The following PLCL2 variants were observed in gnomAD, a reference collection of about 807,000 sequenced individuals.
PLCL2 encodes inactive phospholipase C-like protein 2.
PLCL2 carries 4 observed loss-of-function variants against 79.6 expected under a neutral mutation model. That is an observed-to-expected ratio of 0.05 (90% CI 0.02 to 0.11). The LOEUF is 0.11. Ranked by LOEUF, PLCL2 falls within the 10% of genes least tolerant of loss-of-function variation. The probability of loss-of-function intolerance (pLI) is 1.00; values close to 1 mark genes in which losing one functional copy is unlikely to be tolerated. For synonymous variants in PLCL2, 484 were observed against 457.7 expected (o/e 1.06, Z -0.73); for missense variants, 895 against 1,291.0 (o/e 0.69, Z 4.70).
chr3:16,899,364 C>T (rs1313610699), intron 1 of PLCL2, among the ~76,000 whole-genome samples: 1 of 152,114 alleles, frequency 6.6e-6, no homozygotes, highest in African/African-American at 2.4e-5. Flanking sequence ...ACAGAGCAGC[C>T]CATTGGGGTC....
chr3:16,997,125 T>C (rs1391956211), intron 1 of PLCL2, among the ~76,000 whole-genome samples: 1 of 152,230 alleles, frequency 6.6e-6, no homozygotes, highest in Non-Finnish European at 1.5e-5. Context: ...GTCTTTCTTT[T>C]AGTTCCAAGG....
intron 3 of PLCL2, among the ~76,000 whole-genome samples, chr3:17,031,110 G>A (rs920700676): frequency 2.0e-5 from 3 of 152,150 alleles, no homozygotes; most frequent in African/African-American, 7.2e-5. Flanking sequence ...GAATAATTGG[G>A]TTTAACCAGC....
At chr3:16,945,213 T>C (rs772227599) in intron 1 of PLCL2, among the ~76,000 whole-genome samples, 3 of 147,860 alleles carry the variant, frequency 2.0e-5, no homozygotes, top group Non-Finnish European at 4.4e-5. Flanking sequence ...CCCTATCACC[T>C]GTTTAAAATC....
chr3:16,954,853 T>C (rs1044233889), intron 1 of PLCL2, among the ~76,000 whole-genome samples: 5 of 152,202 alleles, frequency 3.3e-5, no homozygotes, highest in African/African-American at 4.8e-5. Flanking sequence ...TCAAGTCCTT[T>C]GCCCACTTTT....
chr3:16,918,919 A>G (rs1697059508), intron 1 of PLCL2, among the ~76,000 whole-genome samples: 1 of 152,214 alleles, frequency 6.6e-6, no homozygotes, highest in African/African-American at 2.4e-5. Flanking sequence ...TACACTTGAC[A>G]GCATGTATAA....
At chr3:17,008,434 C>T (rs1384719500) in intron 1 of PLCL2, among the ~76,000 whole-genome samples, 2 of 151,814 alleles carry the variant, frequency 1.3e-5, no homozygotes, top group South Asian at 4.2e-4. Context: ...ATAGTCTAGA[C>T]GTCTTAGCCC....
chr3:17,066,629 G>A (rs1456129884), intron 4 of PLCL2, among the ~76,000 whole-genome samples: 4 of 152,172 alleles, frequency 2.6e-5, no homozygotes, highest in East Asian at 3.8e-4. Flanking sequence ...ACAATGCAAC[G>A]TCCTTCAGTA....
At chr3:17,052,388 T>A (rs934729162) in intron 4 of PLCL2, among the ~76,000 whole-genome samples, 1 of 151,822 alleles carries the variant, frequency 6.6e-6, no homozygotes, top group African/African-American at 2.4e-5. Flanking sequence ...CAATGAAGAA[T>A]ATGTAGAAGA....
At chr3:16,980,962 C>T (rs2063987942) in intron 1 of PLCL2, among the ~76,000 whole-genome samples, 4 of 152,352 alleles carry the variant, frequency 2.6e-5, no homozygotes, top group South Asian at 4.1e-4. Flanking sequence ...AGCGAAACCT[C>T]GTCTCCACCA....
chr3:17,017,673 G>C (rs1244575052), intron 3 of PLCL2, among the ~76,000 whole-genome samples: 1 of 152,104 alleles, frequency 6.6e-6, no homozygotes, highest in Non-Finnish European at 1.5e-5. Flanking sequence ...AGAAGTAAAG[G>C]CAAGTTGAGA....
At chr3:16,931,493 T>A (rs1216998679) in intron 1 of PLCL2, among the ~76,000 whole-genome samples, 16 of 152,236 alleles carry the variant, frequency 1.1e-4, no homozygotes, top group Non-Finnish European at 1.5e-5. Context: ...GAGACTTTCT[T>A]TATCAGCAGA....
chr3:16,926,471 G>T (rs1697251866), intron 1 of PLCL2, among the ~76,000 whole-genome samples: 1 of 151,968 alleles, frequency 6.6e-6, no homozygotes, highest in Non-Finnish European at 1.5e-5. Flanking sequence ...CTAAATAAAT[G>T]TTAACTATTG....
chr3:16,927,772 A>C (rs972349066), intron 1 of PLCL2, among the ~76,000 whole-genome samples: 1 of 151,144 alleles, frequency 6.6e-6, no homozygotes, highest in African/African-American at 2.4e-5. Flanking sequence ...GGGGTTTGCC[A>C]AAGTGTACAC....
intron 1 of PLCL2, among the ~76,000 whole-genome samples, chr3:16,955,972 A>C (rs1014149025): frequency 3.9e-5 from 6 of 152,208 alleles, no homozygotes; most frequent in African/African-American, 1.4e-4. Context: ...TGTCATCTGC[A>C]AACAGGGACA....
At position 17,086,043 on chromosome 3, in the gene PLCL2, A is replaced by T. The variant is rs192206213; in HGVS notation, c.3205-3690A>T. On this transcript the variant is annotated intron_variant, in intron 5 of 5. Transcript: ENST00000615277. Reference sequence around the variant, plus strand: ...AAACTTCCAGCAAGCATAAAAATAGATAAATAAATAAATCCACCAAGTTAT... The same window carrying T: ...AAACTTCCAGCAAGCATAAAAATAGTTAAATAAATAAATCCACCAAGTTAT... Among the ~76,000 whole-genome samples the T allele has an allele frequency of 8.7e-4, 133 of 152,356 alleles. 1 individual carries two copies. Among genetic ancestry groups the T allele is most frequent in the African/African-American group, 3.1e-3 (128 of 41,590 alleles).
chr3:17,054,800 C>T (rs774063200), intron 4 of PLCL2, among the ~76,000 whole-genome samples: 33 of 152,096 alleles, frequency 2.2e-4, no homozygotes, highest in Admixed American at 2.6e-4. Context: ...TCATTTATGT[C>T]AGAATGTTTC....
intron 1 of PLCL2, among the ~76,000 whole-genome samples, chr3:17,003,896 CA>C (rs764649873): frequency 6.6e-5 from 10 of 152,132 alleles, no homozygotes; most frequent in Admixed American, 5.2e-4. Context: ...TTCTCAGGAG[CA>C]CCCATGGAGA....
intron 1 of PLCL2, among the ~76,000 whole-genome samples, chr3:16,925,870 T>A (rs1222651809): frequency 6.6e-6 from 1 of 152,230 alleles, no homozygotes. Flanking sequence ...TATATTTTAA[T>A]TTCTCTTTGG....
At chr3:16,930,689 G>A (rs1697372164) in intron 1 of PLCL2, among the ~76,000 whole-genome samples, 2 of 152,086 alleles carry the variant, frequency 1.3e-5, no homozygotes, top group African/African-American at 2.4e-5. Flanking sequence ...TCAGTTCTGT[G>A]AACCCCATCA....
Sources: allele counts gnomAD v4.1 joint callset (sites outside exome capture counted in the v4.1 genomes callset), GRCh38; gene constraint gnomAD v4.1.1; transcripts MANE v1.5; gene names NCBI Gene and HGNC (gene_info 2026-07-23, HGNC 2026-07-21).